Variants in FHOD3 observed in about 807,000 individuals in gnomAD.
FHOD3 encodes the protein FH1/FH2 domain-containing protein 3.
In FHOD3, 90 loss-of-function variants were observed where a neutral mutation model predicts 173.0. The ratio of observed to expected loss-of-function variants is 0.52; its 90% confidence interval spans 0.44 to 0.62. The LOEUF (loss-of-function observed/expected upper bound fraction) is 0.62. FHOD3 is among the 20% of genes least tolerant of loss of function. FHOD3 has a pLI of 0.00. For synonymous variants in FHOD3, 828 were observed against 823.0 expected (o/e 1.01, Z -0.10); for missense variants, 1,945 against 2,034.7 (o/e 0.96, Z 0.85).
At chr18:36,697,579 T>A (rs1435983332) in intron 17 of FHOD3, among the ~76,000 whole-genome samples, 1 of 152,254 alleles carries the variant, frequency 6.6e-6, no homozygotes, top group Non-Finnish European at 1.5e-5. Flanking sequence ...CAGTGATTTT[T>A]TTCTCTACCT....
intron 17 of FHOD3, among the ~76,000 whole-genome samples, chr18:36,703,608 A>G (rs552002007): frequency 6.6e-6 from 1 of 152,174 alleles, no homozygotes; most frequent in African/African-American, 2.4e-5. Context: ...TTTTTACTGC[A>G]CTTAGGCAAG....
chr18:36,658,156 C>A lies in FHOD3; in HGVS notation c.1803C>A (p.Ser601=), dbSNP rs201369615. 1.9e-6 allele frequency: 3 copies of A among 1,590,636 alleles called. No homozygotes were observed. In the South Asian group the frequency reaches 3.4e-5, roughly 18 times the overall value. The part of the protein sequence containing the change: ...GSSVPTTPTS[S]VSPPQEARLE... Reference sequence around the variant, plus strand: ...GTGTGCCCACCACCCCCACATCATCCGTCTCACCCCCACAGGAGGCCAGGT... The same window carrying A: ...GTGTGCCCACCACCCCCACATCATCAGTCTCACCCCCACAGGAGGCCAGGT... Residue 601 remains serine (S), a synonymous_variant, in exon 14 of 29, where the codon TCC becomes TCA. Transcript: ENST00000590592.
intron 28 of FHOD3, among the ~76,000 whole-genome samples, chr18:36,773,948 G>A (rs2043511220): frequency 1.3e-5 from 2 of 152,312 alleles, no homozygotes; most frequent in South Asian, 2.1e-4. Flanking sequence ...TGACACTCTC[G>A]ACTTAATCTG....
rs2091839187 is a variant in FHOD3 at position 36,297,971 on chromosome 18, G to T, written c.136G>T (p.Val46Phe). Residue 46 changes from valine to phenylalanine, a missense_variant, in exon 1 of 29, where the codon GTC becomes TTC. By Grantham distance (50) the Val-to-Phe change is conservative. Coordinates refer to ENST00000590592, the MANE Select transcript of FHOD3 (RefSeq NM_001281740.3). ...CGCGCTCGGCACCCAGCTGGCGGGG[G>T]TCCATAGGCTGCTGCAGGCGCCGCA... Reference protein sequence around the residue: ...DLALGTQLAGVHRLLQAPHKL... With the variant: ...DLALGTQLAGFHRLLQAPHKL... The T allele has an allele frequency of 1.3e-6, 2 of 1,562,160 alleles. No individual in the cohort carries two copies. The highest frequency in any genetic ancestry group is 1.7e-6 in the Non-Finnish European group (2 of 1,155,798).
intron 3 of FHOD3, among the ~76,000 whole-genome samples, chr18:36,433,925 C>T (rs1265668387): frequency 6.6e-6 from 1 of 152,148 alleles, no homozygotes; most frequent in Non-Finnish European, 1.5e-5. Flanking sequence ...CATGTATCTA[C>T]CACTACCACA....
At chr18:36,464,787 A>G (rs1354230275) in intron 3 of FHOD3, among the ~76,000 whole-genome samples, 1 of 151,804 alleles carries the variant, frequency 6.6e-6, no homozygotes, top group Admixed American at 6.6e-5. Flanking sequence ...TTTCAGAGGA[A>G]ATAAGAACAA....
chr18:36,771,508 C>T (rs990498517), intron 28 of FHOD3, among the ~76,000 whole-genome samples: 7 of 152,184 alleles, frequency 4.6e-5, no homozygotes, highest in Admixed American at 2.0e-4. Context: ...ATCATTGGCT[C>T]ATTTTTTTGT....
chr18:36,556,728 A>T (rs1310580568), intron 5 of FHOD3, among the ~76,000 whole-genome samples: 1 of 152,178 alleles, frequency 6.6e-6, no homozygotes, highest in East Asian at 1.9e-4. Flanking sequence ...AATAAGGGGA[A>T]AAAACGTGTA....
At chr18:36,529,932 C>T (rs992640190) in intron 5 of FHOD3, among the ~76,000 whole-genome samples, 2 of 151,854 alleles carry the variant, frequency 1.3e-5, no homozygotes, top group Non-Finnish European at 2.9e-5. Flanking sequence ...GGCTTGGTAG[C>T]GACAGGCTCT....
chr18:36,586,979 A>G (rs2059056294), intron 6 of FHOD3, among the ~76,000 whole-genome samples: 2 of 152,124 alleles, frequency 1.3e-5, no homozygotes. Context: ...AAAAGTGAGC[A>G]CCAAGCAGTA....
chr18:36,552,838 A>C (rs1490543373), intron 5 of FHOD3, among the ~76,000 whole-genome samples: 1 of 152,174 alleles, frequency 6.6e-6, no homozygotes, highest in African/African-American at 2.4e-5. Flanking sequence ...TGCCCTGGCC[A>C]GAACTTCCAA....
rs577522566 is a variant in FHOD3 at position 36,402,488 on chromosome 18, T to C, written c.337+29744T>C. On this transcript the variant is annotated intron_variant, in intron 3 of 28. Coordinates refer to ENST00000590592, the MANE Select transcript of FHOD3 (RefSeq NM_001281740.3). The stretch of plus-strand genomic sequence containing the variant: ...ATTATAATGTATATTTTTAGTGATA[T>C]ATAATGTGATGCAATTATACACACA... Among the ~76,000 whole-genome samples the C allele has an allele frequency of 1.7e-4, 26 of 150,068 alleles. 1 individual carries two copies. The highest frequency in any genetic ancestry group is 8.8e-4 in the Admixed American group (13 of 14,802).
chr18:36,432,832 C>G (rs1513844), intron 3 of FHOD3, among the ~76,000 whole-genome samples: 79,548 of 152,096 alleles, frequency 0.52, 20,989 homozygotes, highest in Non-Finnish European at 0.55. Flanking sequence ...GAGCAAGGGA[C>G]AGCGTAGCTT....
intron 1 of FHOD3, among the ~76,000 whole-genome samples, chr18:36,335,750 G>A (rs909338166): frequency 6.6e-6 from 1 of 152,122 alleles, no homozygotes; most frequent in Non-Finnish European, 1.5e-5. Context: ...CCACATCTCT[G>A]TTCCTGGCCT....
intron 3 of FHOD3, among the ~76,000 whole-genome samples, chr18:36,493,584 G>A (rs2054583439): frequency 6.6e-6 from 1 of 152,160 alleles, no homozygotes; most frequent in African/African-American, 2.4e-5. Flanking sequence ...GCTGTCTTGG[G>A]TCGTGTTTCA....
chr18:36,379,683 T>C (rs2047636548), intron 3 of FHOD3, among the ~76,000 whole-genome samples: 1 of 152,218 alleles, frequency 6.6e-6, no homozygotes, highest in Non-Finnish European at 1.5e-5. Context: ...ATCAGTTATA[T>C]GCAGAAAACA....
At chr18:36,558,915 C>T (rs144768068) in intron 5 of FHOD3, among the ~76,000 whole-genome samples, 86 of 152,264 alleles carry the variant, frequency 5.6e-4, no homozygotes, top group African/African-American at 1.7e-3. Context: ...CAGTGCTTCC[C>T]GCCTGCACTC....
At chr18:36,451,063 C>G (rs1192476972) in intron 3 of FHOD3, among the ~76,000 whole-genome samples, 1 of 152,170 alleles carries the variant, frequency 6.6e-6, no homozygotes, top group African/African-American at 2.4e-5. Context: ...AACCATATCA[C>G]ACATTTACAT....
intron 3 of FHOD3, among the ~76,000 whole-genome samples, chr18:36,439,727 G>A (rs2051027771): frequency 6.6e-6 from 1 of 152,114 alleles, no homozygotes; most frequent in South Asian, 2.1e-4. Flanking sequence ...CTCTCAGTAT[G>A]AGGCCATAAG....
Sources: gnomAD v4.1 joint callset for allele counts (sites outside exome capture counted in the v4.1 genomes callset) on GRCh38, gnomAD v4.1.1 for gene constraint, MANE v1.5 for transcripts, NCBI Gene and HGNC (gene_info 2026-07-23, HGNC 2026-07-21) for gene names.